Variants in TMOD2 observed in about 807,000 individuals in gnomAD.
TMOD2 encodes tropomodulin-2.
In TMOD2, 22 loss-of-function variants were observed where a neutral mutation model predicts 39.9. That is an observed-to-expected ratio of 0.55 (90% CI 0.39 to 0.79). The LOEUF is 0.79. Among genes scored for constraint, TMOD2 ranks in the 30% least tolerant of loss-of-function variants. The probability of loss-of-function intolerance (pLI) is 0.00; values close to 1 mark genes in which losing one functional copy is unlikely to be tolerated. For synonymous variants in TMOD2, 123 were observed against 146.1 expected, an observed-to-expected ratio of 0.84 and a Z score of 1.14; for missense variants, 386 against 413.3, an observed-to-expected ratio of 0.93 and a Z score of 0.57.
In TMOD2 at chr15:51,812,463, A is replaced by C. The variant is rs577454612; in HGVS notation, c.*4009A>C. Reference sequence around the variant, plus strand: ...TGTAAGATAGCCCTTTGGAATTTACAAACACATGTGCAGCTATTTCCTTCT... The same window carrying C: ...TGTAAGATAGCCCTTTGGAATTTACCAACACATGTGCAGCTATTTCCTTCT... On this transcript the variant is annotated 3_prime_UTR_variant, in exon 10 of 10. Transcript: ENST00000249700. 164 of 152,336 alleles carry C rather than the reference A, an allele frequency of 1.1e-3. No individual in the cohort carries two copies. The highest frequency in any genetic ancestry group is 3.9e-3 in the African/African-American group (162 of 41,580). The allele number at this position is 152,336 out of a possible 1,614,324, so 9.4% of individuals were successfully genotyped here.
chr15:51,791,433 A>T (rs552355965), intron 7 of TMOD2, among the ~76,000 whole-genome samples: 3 of 152,220 alleles, frequency 2.0e-5, no homozygotes, highest in Non-Finnish European at 4.4e-5. Flanking sequence ...ACACTGCCCA[A>T]AGTAATTTGT....
rs2056163086 is a variant in TMOD2 at position 51,812,577 on chromosome 15, G to A, written c.*4123G>A. ...ATTCTGGACTAATATAATTTTATAT[G>A]TGTTTCTGAGATTGGGGAGTAGACT... On this transcript the variant is annotated 3_prime_UTR_variant, in exon 10 of 10. Transcript: ENST00000249700. The A allele has an allele frequency of 6.6e-6, 1 of 152,198 alleles. No homozygotes were observed. Among genetic ancestry groups the A allele is most frequent in the Admixed American group, 6.5e-5 (1 of 15,280 alleles). 9.4% of individuals were successfully genotyped at this position (152,198 alleles called of 1,614,324 possible).
intron 7 of TMOD2, among the ~76,000 whole-genome samples, chr15:51,791,603 C>G (rs1421037718): frequency 2.0e-5 from 3 of 152,208 alleles, no homozygotes; most frequent in Non-Finnish European, 4.4e-5. Flanking sequence ...TGACTTCAAA[C>G]TTTACTATAA....
rs759581186 is a variant in TMOD2, at chr15:51,815,656, A to T, written c.*7202A>T. 1 of 152,216 alleles carries T rather than the reference A, an allele frequency of 6.6e-6. No individual in the cohort carries two copies. The highest frequency in any genetic ancestry group is 2.1e-4 in the South Asian group (1 of 4,830). 9.4% of individuals were successfully genotyped at this position (152,216 alleles called of 1,614,324 possible). A position where few individuals can be genotyped will look rare whatever the true frequency, so the allele number is the denominator to read the frequency against. On this transcript the variant is annotated 3_prime_UTR_variant, in exon 10 of 10. Transcript: ENST00000249700. ...TAAGTTATTCTGACCTAAAATTCTTATCTCTGCCACTTTGGTTTAAAAACA... is the reference window on the plus strand; with the variant it reads ...TAAGTTATTCTGACCTAAAATTCTTTTCTCTGCCACTTTGGTTTAAAAACA...
chr15:51,782,779 T>G lies in TMOD2; in HGVS notation c.683T>G (p.Val228Gly). The change falls in exon 7 of 10, where the codon GTG (valine) becomes GGG (glycine). Residue 228 changes from valine to glycine, a missense_variant. Coordinates refer to ENST00000249700, the MANE Select transcript of TMOD2 (RefSeq NM_014548.4). The part of the protein sequence containing the change: ...FAKALETNTH[V>G]KKFSLAATRS... ...AAGGCTCTGGAGACCAACACTCACG[T>G]GAAGAAGTTCAGCCTGGCCGCAACT... 1 of 1,614,076 alleles carries G rather than the reference T, an allele frequency of 6.2e-7. No homozygotes were observed. The highest frequency in any genetic ancestry group is 1.1e-5 in the South Asian group (1 of 91,076).
At chr15:51,764,327 A>G (rs1158865055) in intron 1 of TMOD2, among the ~76,000 whole-genome samples, 2 of 152,164 alleles carry the variant, frequency 1.3e-5, no homozygotes, top group Non-Finnish European at 2.9e-5. Context: ...TAAATTAATA[A>G]ATAAGAAGCT....
rs2056152410 is a variant in TMOD2, at chr15:51,810,845, C to T, written c.*2391C>T. 2 of 149,334 alleles carry T rather than the reference C, an allele frequency of 1.3e-5. No homozygotes were observed. Among genetic ancestry groups the T allele is most frequent in the African/African-American group, 4.9e-5 (2 of 40,406 alleles). 9.3% of individuals were successfully genotyped at this position (149,334 alleles called of 1,614,324 possible). On this transcript the variant is annotated 3_prime_UTR_variant, in exon 10 of 10. Transcript: ENST00000249700. Reference sequence around the variant, plus strand: ...CCTTGCAGCCCCACAGTGCTGTGGGCTGGGGGCTAAAGCAGTTCTTGGCAA... The same window carrying T: ...CCTTGCAGCCCCACAGTGCTGTGGGTTGGGGGCTAAAGCAGTTCTTGGCAA...
At chr15:51,766,284 T>G (rs1234904477) in intron 1 of TMOD2, 89 bp from the exon 2 acceptor site, 2 of 598,118 alleles carry the variant, frequency 3.3e-6, no homozygotes, top group Non-Finnish European at 5.7e-6. Context: ...TACAGTAGGC[T>G]CCATTGGAGG....
intron 9 of TMOD2, among the ~76,000 whole-genome samples, chr15:51,807,707 A>G (rs1003652763): frequency 6.6e-6 from 1 of 152,212 alleles, no homozygotes; most frequent in Non-Finnish European, 1.5e-5. Flanking sequence ...GAGCTAGGCT[A>G]TTTAAAGTGG....
At chr15:51,798,940 G>A (rs1396652964) in intron 8 of TMOD2, among the ~76,000 whole-genome samples, 1 of 152,190 alleles carries the variant, frequency 6.6e-6, no homozygotes. Context: ...CAGTCTCATT[G>A]ATCATGACCA....
chr15:51,765,503 T>C (rs1190893580), intron 1 of TMOD2, among the ~76,000 whole-genome samples: 1 of 152,220 alleles, frequency 6.6e-6, no homozygotes, highest in Non-Finnish European at 1.5e-5. Context: ...AAGATGTGAT[T>C]GGTGGTAATA....
intron 1 of TMOD2, among the ~76,000 whole-genome samples, chr15:51,753,428 A>G (rs1379444756): frequency 6.6e-6 from 1 of 152,196 alleles, no homozygotes; most frequent in Non-Finnish European, 1.5e-5. Flanking sequence ...TCACCTCTGT[A>G]GTGTTCCTGC....
intron 1 of TMOD2, among the ~76,000 whole-genome samples, chr15:51,753,447 T>C (rs1406929656): frequency 2.0e-5 from 3 of 152,156 alleles, no homozygotes; most frequent in African/African-American, 7.2e-5. Context: ...GCAAAAAGAC[T>C]TGGCGATGGG....
At chr15:51,758,472 G>A (rs2055757814) in intron 1 of TMOD2, among the ~76,000 whole-genome samples, 1 of 152,200 alleles carries the variant, frequency 6.6e-6, no homozygotes, top group East Asian at 1.9e-4. Flanking sequence ...AGAGGAAGCA[G>A]TGGATAGAGT....
At chr15:51,760,420 T>C (rs1472367497) in intron 1 of TMOD2, among the ~76,000 whole-genome samples, 1 of 152,212 alleles carries the variant, frequency 6.6e-6, no homozygotes, top group Non-Finnish European at 1.5e-5. Context: ...TGCATGACAC[T>C]GACTCTTCTG....
chr15:51,785,236 C>A (rs1324323776), intron 7 of TMOD2, among the ~76,000 whole-genome samples: 3 of 151,514 alleles, frequency 2.0e-5, no homozygotes, highest in Non-Finnish European at 2.9e-5. Flanking sequence ...CAAGGTGAAA[C>A]CCCGTCTCTA....
rs1247299097 is a variant in TMOD2 at position 51,814,749 on chromosome 15, C to T, written c.*6295C>T. On this transcript the variant is annotated 3_prime_UTR_variant, in exon 10 of 10. Coordinates refer to ENST00000249700, the MANE Select transcript of TMOD2 (RefSeq NM_014548.4). ...GATTCAATGCTCCCTAAGGTCCCTT[C>T]CAGCTCCAATACTTGACAAGCTTGT... 6.6e-6 allele frequency: 1 copy of T among 152,214 alleles called. No individual in the cohort carries two copies. Among genetic ancestry groups the T allele is most frequent in the East Asian group, 1.9e-4 (1 of 5,192 alleles). The allele number at this position is 152,214 out of a possible 1,614,324, so 9.4% of individuals were successfully genotyped here.
At chr15:51,765,557 C>T (rs546009524) in intron 1 of TMOD2, among the ~76,000 whole-genome samples, 1 of 152,224 alleles carries the variant, frequency 6.6e-6, no homozygotes, top group South Asian at 2.1e-4. Context: ...TTACTGTTTC[C>T]TGAATGAGTA....
intron 8 of TMOD2, among the ~76,000 whole-genome samples, chr15:51,804,728 G>A (rs1181766122): frequency 1.3e-5 from 2 of 150,196 alleles, no homozygotes; most frequent in Admixed American, 6.6e-5. Context: ...GCCTGCCACC[G>A]CACCCAGCTA....
Sources: gnomAD v4.1 joint callset for allele counts (sites outside exome capture counted in the v4.1 genomes callset) on GRCh38, gnomAD v4.1.1 for gene constraint, MANE v1.5 for transcripts, NCBI Gene and HGNC (gene_info 2026-07-23, HGNC 2026-07-21) for gene names.